MSL2: variants seen among roughly 807,000 people sequenced by gnomAD.
MSL2 encodes MSL complex subunit 2.
In MSL2, 2 loss-of-function variants were observed where a neutral mutation model predicts 35.8. The ratio of observed to expected loss-of-function variants is 0.06; its 90% confidence interval spans 0.02 to 0.18. The LOEUF (loss-of-function observed/expected upper bound fraction) is 0.18, where lower values mean the gene tolerates loss of function less well. Ranked by LOEUF, MSL2 falls within the 10% of genes least tolerant of loss-of-function variation. The pLI is 1.00. For synonymous variants in MSL2, 296 were observed against 255.7 expected (o/e 1.16, Z -1.50); for missense variants, 523 against 706.7 (o/e 0.74, Z 2.95).
chr3:136,183,852 T>C (rs1296066348), intron 1 of MSL2, among the ~76,000 whole-genome samples: 4 of 152,148 alleles, frequency 2.6e-5, no homozygotes, highest in Non-Finnish European at 5.9e-5. Flanking sequence ...TAATGAACAA[T>C]ACTATCGACT....
At chr3:136,158,041 G>A (rs1239858234) in intron 1 of MSL2, among the ~76,000 whole-genome samples, 1 of 152,210 alleles carries the variant, frequency 6.6e-6, no homozygotes, top group African/African-American at 2.4e-5. Flanking sequence ...GCCGGGAGCA[G>A]TGGCTCACGC....
intron 1 of MSL2, among the ~76,000 whole-genome samples, chr3:136,187,944 A>T (rs558140496): frequency 2.1e-4 from 32 of 151,440 alleles, no homozygotes; most frequent in South Asian, 4.2e-4. Context: ...CATATTTTTT[A>T]AAAAAAAGAA....
chr3:136,156,123 A>AC (rs1407669643), intron 1 of MSL2: 1 of 186,532 alleles, frequency 5.4e-6, no homozygotes, highest in Non-Finnish European at 1.1e-5. Context: ...ATTTCTTGAT[A>AC]CATGTAATTC....
chr3:136,185,362 C>T (rs1940489465), intron 1 of MSL2, among the ~76,000 whole-genome samples: 2 of 148,920 alleles, frequency 1.3e-5, no homozygotes, highest in Admixed American at 6.7e-5. Flanking sequence ...TTTAATCCAA[C>T]AACCTCATCT....
chr3:136,186,767 G>A (rs1253729737), intron 1 of MSL2, among the ~76,000 whole-genome samples: 1 of 152,090 alleles, frequency 6.6e-6, no homozygotes, highest in African/African-American at 2.4e-5. Flanking sequence ...ATATTACAAT[G>A]TAATAATAAT....
chr3:136,172,251 A>T (rs1370169312), intron 1 of MSL2, among the ~76,000 whole-genome samples: 1 of 152,036 alleles, frequency 6.6e-6, no homozygotes, highest in Non-Finnish European at 1.5e-5. Context: ...TCCACCTCTC[A>T]TCATACTCAT....
rs979055982 is a variant in MSL2 at position 136,195,718 on chromosome 3, C to G, written c.-605G>C. On this transcript the variant is annotated 5_prime_UTR_variant, in exon 1 of 2. Transcript: ENST00000309993. ...GGCTGGCGGACGCCGCCGCCGCGCT[C>G]TCCATATCGGACGCGGGGCCCAGAC... 1 of 985,370 alleles carries G rather than the reference C, an allele frequency of 1.0e-6. No homozygotes were observed. Among genetic ancestry groups the G allele is most frequent in the South Asian group, 4.7e-5 (1 of 21,298 alleles). 61.0% of individuals were successfully genotyped at this position (985,370 alleles called of 1,614,324 possible). A position where few individuals can be genotyped will look rare whatever the true frequency, so the allele number is the denominator to read the frequency against.
intron 1 of MSL2, among the ~76,000 whole-genome samples, chr3:136,172,254 A>G (rs1441482595): frequency 6.6e-6 from 1 of 152,032 alleles, no homozygotes; most frequent in Non-Finnish European, 1.5e-5. Flanking sequence ...ACCTCTCATC[A>G]TACTCATACT....
intron 1 of MSL2, among the ~76,000 whole-genome samples, chr3:136,192,495 G>A (rs552997660): frequency 3.3e-5 from 5 of 152,054 alleles, no homozygotes; most frequent in African/African-American, 1.2e-4. Context: ...CAGTGAGCAA[G>A]GAAGACTTCA....
chr3:136,164,242 A>T (rs1939780731), intron 1 of MSL2, among the ~76,000 whole-genome samples: 1 of 152,198 alleles, frequency 6.6e-6, no homozygotes, highest in African/African-American at 2.4e-5. Context: ...AATCCAGCTA[A>T]TATGTTAATC....
chr3:136,164,815 ATCGTGT>A lies in MSL2; in HGVS notation c.143-12083_143-12078del, dbSNP rs1335183727. Among the ~76,000 whole-genome samples the A allele has an allele frequency of 2.0e-5, 3 of 152,302 alleles. No homozygotes were observed. In the East Asian group the frequency reaches 5.8e-4, roughly 29 times the overall value. On this transcript the variant is annotated intron_variant, in intron 1 of 1. Transcript: ENST00000309993. ...TAAGGAAAGGTTTGATTTAGCATAG[ATCGTGT>A]TCCATATAGTTACACACACAAGTAC...
intron 1 of MSL2, among the ~76,000 whole-genome samples, chr3:136,166,902 A>C (rs1939869541): frequency 6.6e-6 from 1 of 152,160 alleles, no homozygotes; most frequent in African/African-American, 2.4e-5. Flanking sequence ...CTGTACTACA[A>C]ATTTTATGCT....
intron 1 of MSL2, among the ~76,000 whole-genome samples, chr3:136,153,456 A>G (rs753285230): frequency 2.2e-4 from 34 of 152,196 alleles, no homozygotes; most frequent in Non-Finnish European, 4.9e-4. Flanking sequence ...TTTTTAATGC[A>G]TATATACTAA....
intron 1 of MSL2, among the ~76,000 whole-genome samples, chr3:136,189,978 G>A (rs1429836794): frequency 6.6e-6 from 1 of 152,072 alleles, no homozygotes; most frequent in Non-Finnish European, 1.5e-5. Context: ...CTACTTGGGA[G>A]GCTGAGGTGG....
chr3:136,178,661 T>C (rs111386841), intron 1 of MSL2, among the ~76,000 whole-genome samples: 6 of 151,770 alleles, frequency 4.0e-5, no homozygotes, highest in African/African-American at 9.7e-5. Flanking sequence ...GCCTCCCAAG[T>C]AGCTGGGAAA....
chr3:136,186,858 A>G (rs1489222818), intron 1 of MSL2, among the ~76,000 whole-genome samples: 1 of 152,238 alleles, frequency 6.6e-6, no homozygotes, highest in Non-Finnish European at 1.5e-5. Context: ...ATAGTCTTCC[A>G]TGAAACCAGT....
At chr3:136,177,939 C>T (rs926176848) in intron 1 of MSL2, among the ~76,000 whole-genome samples, 7 of 152,072 alleles carry the variant, frequency 4.6e-5, no homozygotes, top group South Asian at 2.1e-4. Context: ...AGTTAAACTT[C>T]GGAGTTTTTT....
At chr3:136,170,044 A>AC (rs1180949800) in intron 1 of MSL2, among the ~76,000 whole-genome samples, 77 of 143,216 alleles carry the variant, frequency 5.4e-4, no homozygotes, top group African/African-American at 2.0e-3. Flanking sequence ...GAGAGACTCC[A>AC]TTAAAAAAAA....
chr3:136,185,133 C>G (rs1420764169), intron 1 of MSL2, among the ~76,000 whole-genome samples: 1 of 152,034 alleles, frequency 6.6e-6, no homozygotes, highest in South Asian at 2.1e-4. Context: ...CGCCACCACA[C>G]CCGGCTTATT....
Sources: allele counts gnomAD v4.1 joint callset (sites outside exome capture counted in the v4.1 genomes callset), GRCh38; gene constraint gnomAD v4.1.1; transcripts MANE v1.5; gene names NCBI Gene and HGNC (gene_info 2026-07-23, HGNC 2026-07-21).